Variants in DIXDC1 observed in about 807,000 individuals in gnomAD.
The protein encoded by DIXDC1 is DIX domain containing 1.
DIXDC1 carries 64 observed loss-of-function variants against 103.1 expected under a neutral mutation model. That is an observed-to-expected ratio of 0.62 (90% CI 0.51 to 0.76). DIXDC1 has a LOEUF of 0.76. DIXDC1 is among the 30% of genes least tolerant of loss of function. The pLI, the probability that DIXDC1 is intolerant of heterozygous loss-of-function variation, is 0.00. For synonymous variants in DIXDC1, 266 were observed against 298.5 expected (o/e 0.89, Z 1.12); for missense variants, 759 against 834.2 (o/e 0.91, Z 1.11).
At chr11:112,001,176 A>G (rs1861053948) in intron 17 of DIXDC1, among the ~76,000 whole-genome samples, 1 of 152,210 alleles carries the variant, frequency 6.6e-6, no homozygotes, top group Admixed American at 6.5e-5. Flanking sequence ...ACATTATGCT[A>G]AGTGGAAGAT....
intron 2 of DIXDC1, 111 bp from the exon 3 acceptor site, chr11:111,968,402 A>G: frequency 9.2e-7 from 1 of 1,092,306 alleles, no homozygotes; most frequent in Non-Finnish European, 1.3e-6. Flanking sequence ...TTATATATTT[A>G]TGTATAATGT....
chr11:111,980,982 G>T, intron 6 of DIXDC1, 133 bp downstream of exon 6: 1 of 620,028 alleles, frequency 1.6e-6, no homozygotes. Flanking sequence ...GCACTAGAGG[G>T]CTCTAATGAC....
intron 5 of DIXDC1, among the ~76,000 whole-genome samples, chr11:111,979,286 C>T (rs587759273): frequency 1.3e-5 from 2 of 152,310 alleles, no homozygotes; most frequent in South Asian, 4.1e-4. Flanking sequence ...CCATGCCTGG[C>T]TCTTGTTTTT....
chr11:111,941,816 TCAAAACAAAA>T lies in DIXDC1; in HGVS notation c.60+4259_60+4268del, dbSNP rs143689242. Reference sequence around the variant, plus strand: ...CTGGGCAACAGGGTGAGATTCTGTCTCAAAACAAAACGAAACAAAATACACACACACACAC... The same window carrying T: ...CTGGGCAACAGGGTGAGATTCTGTCTCGAAACAAAATACACACACACACAC... On this transcript the variant is annotated intron_variant, in intron 1 of 19. Transcript: ENST00000440460. Among the ~76,000 whole-genome samples, 466 of 148,486 alleles carry T rather than the reference TCAAAACAAAA, an allele frequency of 3.1e-3. 15 individuals carry two copies. In the East Asian group the frequency reaches 0.069, roughly 22 times the overall value.
chr11:112,013,448 T>G (rs1861493583), intron 17 of DIXDC1, among the ~76,000 whole-genome samples: 1 of 151,958 alleles, frequency 6.6e-6, no homozygotes, highest in South Asian at 2.1e-4. Flanking sequence ...AGGGTGGGGA[T>G]TATATCTAAT....
chr11:111,957,508 A>G (rs1163264272), intron 1 of DIXDC1, among the ~76,000 whole-genome samples: 2 of 152,228 alleles, frequency 1.3e-5, no homozygotes, highest in African/African-American at 4.8e-5. Context: ...AACGAGATGT[A>G]TTGGCATCAT....
Position 111,976,286 on chromosome 11 carries a change from G to C in DIXDC1, c.656+1303G>C, listed in dbSNP as rs1860092644. Among the ~76,000 whole-genome samples the C allele has an allele frequency of 6.6e-6, 1 of 152,142 alleles. No individual in the cohort carries two copies. The highest frequency in any genetic ancestry group is 6.5e-5 in the Admixed American group (1 of 15,286). On this transcript the variant is annotated intron_variant, in intron 5 of 19. Coordinates refer to ENST00000440460, the MANE Select transcript of DIXDC1 (RefSeq NM_001037954.4). The surrounding 1 kb of genome is among the most constrained non-coding windows in gnomAD (Gnocchi z 4.3). The stretch of plus-strand genomic sequence containing the variant: ...TAGGAGGAAGAGTGGATTTCTTCCT[G>C]AGGGCACCTGCTTTCTCCTCCAAGG...
chr11:111,961,155 TGCTACTGATCTGGGAA>T (rs1859564838), intron 1 of DIXDC1, among the ~76,000 whole-genome samples: 1 of 152,240 alleles, frequency 6.6e-6, no homozygotes, highest in South Asian at 2.1e-4. Context: ...GTGTTGCCGA[TGCTACTGATCTGGGAA>T]GCACACTTTA....
chr11:112,016,942 A>T, intron 18 of DIXDC1, 146 bp downstream of exon 18: 1 of 664,794 alleles, frequency 1.5e-6, no homozygotes, highest in Non-Finnish European at 2.5e-6. Context: ...AGAGAGACAG[A>T]TTCTAGTTTC....
chr11:111,953,814 G>A (rs1183454803), intron 1 of DIXDC1, among the ~76,000 whole-genome samples: 1 of 152,166 alleles, frequency 6.6e-6, no homozygotes, highest in Non-Finnish European at 1.5e-5. Flanking sequence ...TGTACTGTAA[G>A]GCTAAAGACA....
At chr11:111,948,406 A>G (rs1966670003) in intron 1 of DIXDC1, among the ~76,000 whole-genome samples, 2 of 152,164 alleles carry the variant, frequency 1.3e-5, no homozygotes, top group African/African-American at 2.4e-5. Context: ...CTTTACCGTC[A>G]GTCACTTCAA....
chr11:111,946,836 T>A, intron 1 of DIXDC1: 1 of 420,890 alleles, frequency 2.4e-6, no homozygotes, highest in Non-Finnish European at 4.8e-6. Flanking sequence ...ACAGCCTAAT[T>A]TTGTTAGAGG....
chr11:111,975,706 C>G, intron 5 of DIXDC1: 2 of 985,510 alleles, frequency 2.0e-6, no homozygotes, highest in South Asian at 9.4e-5. Flanking sequence ...ATGACCTTTT[C>G]TTTCCTATCC....
chr11:112,003,311 G>A (rs1861125637), intron 17 of DIXDC1, among the ~76,000 whole-genome samples: 4 of 151,904 alleles, frequency 2.6e-5, no homozygotes, highest in Admixed American at 2.0e-4. Context: ...ACAAAAATTA[G>A]CGGGCGGGTG....
At chr11:112,006,040 C>G (rs1861227023) in intron 17 of DIXDC1, among the ~76,000 whole-genome samples, 1 of 152,176 alleles carries the variant, frequency 6.6e-6, no homozygotes, top group Non-Finnish European at 1.5e-5. Context: ...ACAAAGGAAG[C>G]CCTGACAGAC....
chr11:111,956,511 T>C lies in DIXDC1; in HGVS notation c.61-8038T>C, dbSNP rs973748993. Among the ~76,000 whole-genome samples, 13 of 152,274 alleles carry C rather than the reference T, an allele frequency of 8.5e-5. No individual in the cohort carries two copies. The Middle Eastern group carries it at 0.01, about 120-fold the overall frequency. On this transcript the variant is annotated intron_variant, in intron 1 of 19. Coordinates refer to ENST00000440460, the MANE Select transcript of DIXDC1 (RefSeq NM_001037954.4). ...TAATAATAATAATTTTTTTTTAAGATGGAGTTTCACTCTTGTTGTCCAGGC... is the reference window on the plus strand; with the variant it reads ...TAATAATAATAATTTTTTTTTAAGACGGAGTTTCACTCTTGTTGTCCAGGC...
chr11:111,934,368 G>A (rs1051483276), upstream of DIXDC1, among the ~76,000 whole-genome samples: 5 of 152,326 alleles, frequency 3.3e-5, no homozygotes, highest in East Asian at 9.6e-4. Flanking sequence ...CAGGACTGAG[G>A]AAGCCAGGTA....
At chr11:112,003,309 T>G (rs1861125555) in intron 17 of DIXDC1, among the ~76,000 whole-genome samples, 1 of 151,406 alleles carries the variant, frequency 6.6e-6, no homozygotes, top group African/African-American at 2.4e-5. Context: ...ATACAAAAAT[T>G]AGCGGGCGGG....
rs782795129 is a variant in DIXDC1, at chr11:111,941,870, A to ACACC, written c.60+4315_60+4318dup. Reference sequence around the variant, plus strand: ...CACACACACACACACACACACACACACACCCACGAAGAGTTTTAGTCTGGT... The same window carrying ACACC: ...CACACACACACACACACACACACACACACCCACCCACGAAGAGTTTTAGTCTGGT... On this transcript the variant is annotated intron_variant, in intron 1 of 19. Transcript: ENST00000440460. Among the ~76,000 whole-genome samples, 18 of 151,736 alleles carry ACACC rather than the reference A, an allele frequency of 1.2e-4. No homozygotes were observed. The Middle Eastern group carries it at 0.01, about 86-fold the overall frequency.
Sources: gnomAD v4.1 joint callset for allele counts (sites outside exome capture counted in the v4.1 genomes callset) on GRCh38, gnomAD v4.1.1 for gene constraint, Gnocchi (gnomAD v3.1) non-coding constraint, MANE v1.5 for transcripts, NCBI Gene and HGNC (gene_info 2026-07-23, HGNC 2026-07-21) for gene names.